The following MTUS2 variants were observed in gnomAD, a reference collection of about 807,000 sequenced individuals.
MTUS2 encodes the protein microtubule-associated tumor suppressor candidate 2.
Under a neutral mutation model 114.1 loss-of-function variants are expected in MTUS2, and 40 were observed. That is an observed-to-expected ratio of 0.35 (90% CI 0.27 to 0.46). MTUS2 has a LOEUF of 0.46. Among genes scored for constraint, MTUS2 ranks in the 20% least tolerant of loss-of-function variants. The pLI, the probability that MTUS2 is intolerant of heterozygous loss-of-function variation, is 1.00. For synonymous variants in MTUS2, 688 were observed against 672.0 expected (o/e 1.02, Z -0.37); for missense variants, 1,679 against 1,705.4 (o/e 0.98, Z 0.27).
At chr13:29,048,476 GC>G (rs1887737433) in intron 4 of MTUS2, among the ~76,000 whole-genome samples, 1 of 152,052 alleles carries the variant, frequency 6.6e-6, no homozygotes, top group African/African-American at 2.4e-5. Context: ...TATTTGTATT[GC>G]CATGTAATTT....
At chr13:29,432,550 T>C (rs1877083905) in intron 8 of MTUS2, among the ~76,000 whole-genome samples, 1 of 152,240 alleles carries the variant, frequency 6.6e-6, no homozygotes, top group South Asian at 2.1e-4. Flanking sequence ...GAAGCCTTGA[T>C]GCGAATGGAA....
intron 6 of MTUS2, among the ~76,000 whole-genome samples, chr13:29,299,440 GGTGGACACAGTCCTTGTCCCT>G (rs1566117037): frequency 6.6e-6 from 1 of 152,206 alleles, no homozygotes; most frequent in Non-Finnish European, 1.5e-5. Flanking sequence ...TGGTGAATAA[GGTGGACACAGTCCTTGTCCCT>G]GTGGAGCTGA....
intron 5 of MTUS2, among the ~76,000 whole-genome samples, chr13:29,167,564 C>G (rs894014482): frequency 6.8e-6 from 1 of 146,354 alleles, no homozygotes; most frequent in Non-Finnish European, 1.5e-5. Flanking sequence ...AGAAGATAAT[C>G]ATATTTTTTA....
chr13:29,053,477 G>A (rs1887996205), intron 4 of MTUS2, among the ~76,000 whole-genome samples: 1 of 152,192 alleles, frequency 6.6e-6, no homozygotes, highest in African/African-American at 2.4e-5. Context: ...CCAGTTTGGG[G>A]AGGTTTGCAA....
At chr13:29,058,194 C>A (rs898513824) in intron 4 of MTUS2, among the ~76,000 whole-genome samples, 3 of 143,294 alleles carry the variant, frequency 2.1e-5, no homozygotes, top group Non-Finnish European at 3.0e-5. Flanking sequence ...TTCTCTCTAG[C>A]TGCCTTTAAC....
chr13:28,878,067 G>A (rs553775670), intron 2 of MTUS2, among the ~76,000 whole-genome samples: 1 of 152,244 alleles, frequency 6.6e-6, no homozygotes, highest in African/African-American at 2.4e-5. Flanking sequence ...GTGGATTAGG[G>A]TGCATGCTTT....
intron 5 of MTUS2, among the ~76,000 whole-genome samples, chr13:29,160,575 C>A (rs962091583): frequency 5.9e-5 from 9 of 152,080 alleles, no homozygotes; most frequent in Non-Finnish European, 1.3e-4. Flanking sequence ...TCGAGACCAT[C>A]CTGGCTAACA....
At chr13:29,030,024 A>T (rs929466979) in intron 3 of MTUS2, among the ~76,000 whole-genome samples, 1 of 152,212 alleles carries the variant, frequency 6.6e-6, no homozygotes, top group Non-Finnish European at 1.5e-5. Flanking sequence ...AAACAAACTC[A>T]TGAGGGAAAT....
chr13:29,409,021 A>T (rs1424156387), intron 8 of MTUS2, among the ~76,000 whole-genome samples: 1 of 152,188 alleles, frequency 6.6e-6, no homozygotes, highest in Admixed American at 6.6e-5. Context: ...AGTAGTTTCA[A>T]TTGTTCATCC....
intron 4 of MTUS2, among the ~76,000 whole-genome samples, chr13:29,095,256 C>G (rs970550597): frequency 6.6e-6 from 1 of 152,044 alleles, no homozygotes; most frequent in African/African-American, 2.4e-5. Context: ...ATTGAAGTCT[C>G]GAACTATTAT....
intron 5 of MTUS2, among the ~76,000 whole-genome samples, chr13:29,201,781 A>G (rs1229585488): frequency 6.6e-6 from 1 of 152,186 alleles, no homozygotes; most frequent in East Asian, 1.9e-4. Context: ...TCGGCTGGAT[A>G]TGAAATTCTG....
chr13:29,067,462 C>A (rs980236784), intron 4 of MTUS2, among the ~76,000 whole-genome samples: 1 of 152,046 alleles, frequency 6.6e-6, no homozygotes, highest in African/African-American at 2.4e-5. Context: ...TACAGAGAGG[C>A]TGTTGGGATT....
At chr13:29,082,644 A>G (rs7334666) in intron 4 of MTUS2, among the ~76,000 whole-genome samples, 1,944 of 152,254 alleles carry the variant, frequency 0.013, 49 homozygotes, top group African/African-American at 0.044. Context: ...AGAGGCCTCA[A>G]TAGCTATGCC....
At chr13:29,336,414 C>T (rs150437846) in intron 7 of MTUS2, among the ~76,000 whole-genome samples, 249 of 152,314 alleles carry the variant, frequency 1.6e-3, no homozygotes, top group Middle Eastern at 3.4e-3. Context: ...TGCAGGTCCA[C>T]TAGAGTTTGC....
rs1566173069 is a variant in MTUS2 at position 29,389,443 on chromosome 13, G to GTGTGTGTGTGTA, written c.3117+29971_3117+29972insGTGTGTGTGTAT. 8.0e-4 allele frequency among the ~76,000 whole-genome samples: 65 copies of GTGTGTGTGTGTA among 81,252 alleles called. 1 individual carries two copies. Among genetic ancestry groups the GTGTGTGTGTGTA allele is most frequent in the Non-Finnish European group, 1.0e-3 (44 of 42,338 alleles). 53.3% of individuals were successfully genotyped at this position (81,252 alleles called of 152,430 possible). On this transcript the variant is annotated intron_variant, in intron 8 of 15. Transcript: ENST00000612955. ...TGTATGTATACACGTGTGTGTATGT[G>GTGTGTGTGTGTA]TATGTATACACGTGTGTGTATGTGT...
chr13:28,997,436 G>C (rs1885164993), intron 2 of MTUS2, among the ~76,000 whole-genome samples: 1 of 152,136 alleles, frequency 6.6e-6, no homozygotes, highest in South Asian at 2.1e-4. Context: ...TTCAGTTCCT[G>C]GATATCCTTG....
chr13:29,002,108 T>G (rs1788974525), intron 2 of MTUS2, among the ~76,000 whole-genome samples: 2 of 152,194 alleles, frequency 1.3e-5, no homozygotes, highest in South Asian at 4.1e-4. Context: ...ATTTGTGTTG[T>G]CTTGAGCCAG....
intron 8 of MTUS2, among the ~76,000 whole-genome samples, chr13:29,398,665 C>A (rs951177739): frequency 6.6e-6 from 1 of 152,026 alleles, no homozygotes; most frequent in Admixed American, 6.6e-5. Context: ...AAAGGAAAAG[C>A]TCCTAGAGGA....
chr13:28,997,698 G>A (rs1444256866), intron 2 of MTUS2, among the ~76,000 whole-genome samples: 12 of 152,000 alleles, frequency 7.9e-5, no homozygotes, highest in African/African-American at 2.9e-4. Flanking sequence ...TTTTATCAGA[G>A]ACTAGGATTG....
Sources: allele counts gnomAD v4.1 joint callset (sites outside exome capture counted in the v4.1 genomes callset), GRCh38; gene constraint gnomAD v4.1.1; transcripts MANE v1.5; gene names NCBI Gene and HGNC (gene_info 2026-07-23, HGNC 2026-07-21).